Variants in THEMIS observed in about 807,000 individuals in gnomAD.
THEMIS encodes protein THEMIS.
A neutral mutation model predicts 52.6 loss-of-function variants in THEMIS; 37 were observed. The observed-to-expected ratio is 0.70, with a 90% CI of 0.54 to 0.93. The LOEUF (loss-of-function observed/expected upper bound fraction) is 0.93, where lower values mean the gene tolerates loss of function less well. THEMIS is among the 40% of genes least tolerant of loss of function. The pLI, the probability that THEMIS is intolerant of heterozygous loss-of-function variation, is 0.00. For missense variants in THEMIS, 808 were observed against 763.1 expected (o/e 1.06, Z -0.69); for synonymous variants, 292 against 272.7 (o/e 1.07, Z -0.70).
chr6:127,703,038 T>TTG, the THEMIS span, among the ~76,000 whole-genome samples: 1 of 80,784 alleles, frequency 1.2e-5, no homozygotes, highest in African/African-American at 5.2e-5. Context: ...AGAATGAGTT[T>TTG]TTTTTTTTTT....
chr6:127,757,407 C>A (rs1775864156), intron 4 of THEMIS, among the ~76,000 whole-genome samples: 1 of 151,728 alleles, frequency 6.6e-6, no homozygotes, highest in Non-Finnish European at 1.5e-5. Context: ...ACATAAATGG[C>A]AGATAGCTAT....
intron 2 of THEMIS, among the ~76,000 whole-genome samples, chr6:127,854,281 C>T (rs1226177069): frequency 2.0e-5 from 3 of 151,754 alleles, no homozygotes; most frequent in Non-Finnish European, 4.4e-5. Context: ...GAGCTGCTTT[C>T]GTGCTACCAC....
At chr6:127,700,903 A>G in the THEMIS span, among the ~76,000 whole-genome samples, 5 of 152,080 alleles carry the variant, frequency 3.3e-5, no homozygotes, top group African/African-American at 1.2e-4. Flanking sequence ...TAACATTGTC[A>G]ATACACTTTA....
intron 4 of THEMIS, among the ~76,000 whole-genome samples, chr6:127,805,076 A>T (rs1777656082): frequency 6.6e-6 from 1 of 152,042 alleles, no homozygotes; most frequent in African/African-American, 2.4e-5. Flanking sequence ...TGTGGCCTTT[A>T]ATGTACAGTT....
At chr6:127,725,472 G>A (rs1389932514) in intron 4 of THEMIS, among the ~76,000 whole-genome samples, 4 of 151,872 alleles carry the variant, frequency 2.6e-5, no homozygotes, top group Non-Finnish European at 5.9e-5. Context: ...GTCTGTGAGT[G>A]TGTTCTCTTC....
At position 127,813,890 on chromosome 6, in the gene THEMIS, C is replaced by G. The variant is rs373934545; in HGVS notation, c.751G>C (p.Glu251Gln). 57 of 1,600,466 alleles carry G rather than the reference C, an allele frequency of 3.6e-5. 1 individual carries two copies. Among genetic ancestry groups the G allele is most frequent in the Non-Finnish European group, 3.6e-5 (42 of 1,175,554 alleles). The change falls in exon 4 of 6, where the codon GAA becomes CAA. Residue 251 changes from glutamate to glutamine, a missense_variant. Glu to Gln is a conservative substitution (Grantham distance 29). Transcript: ENST00000368248. ...TAAGAATCAGTGATGTCTTTGACTT[C>G]GACATCTAGACTGGGGAGGATGCGG... ...IIRILPSLDV[E>Q]VKDITDSYDA... is the part of the protein sequence containing the mutation.
At chr6:127,739,398 A>G (rs13215234) in intron 4 of THEMIS, among the ~76,000 whole-genome samples, 16,515 of 152,278 alleles carry the variant, frequency 0.11, 957 homozygotes, top group Non-Finnish European at 0.14. Flanking sequence ...TTGTAATCCC[A>G]GCACTTTGGG....
intron 5 of THEMIS, among the ~76,000 whole-genome samples, chr6:127,714,689 A>C (rs1378963322): frequency 6.6e-6 from 1 of 151,976 alleles, no homozygotes; most frequent in Non-Finnish European, 1.5e-5. Context: ...ATTAGAGCTT[A>C]GTCTTGGGTC....
In THEMIS at chr6:127,772,688, G is replaced by A. The variant is rs565979412; in HGVS notation, c.1758+40195C>T. ...ACTACACACTCAACCTATTTAGTAGGCATGCTTGCCAACAGATTCTAATTC... is the reference window on the plus strand; with the variant it reads ...ACTACACACTCAACCTATTTAGTAGACATGCTTGCCAACAGATTCTAATTC... On this transcript the variant is annotated intron_variant, in intron 4 of 5. Transcript: ENST00000368248. Among the ~76,000 whole-genome samples the A allele has an allele frequency of 2.6e-5, 4 of 152,100 alleles. No individual in the cohort carries two copies. The South Asian group carries it at 8.3e-4, about 32-fold the overall frequency.
chr6:127,907,341 T>TTTTTTTTTC (rs1781299792), intron 1 of THEMIS, among the ~76,000 whole-genome samples: 1 of 81,276 alleles, frequency 1.2e-5, no homozygotes, highest in African/African-American at 5.7e-5. Context: ...GCTCGGATTT[T>TTTTTTTTTC]TTTTTTTTTT....
At chr6:127,832,039 T>TA (rs1169383344) in intron 2 of THEMIS, among the ~76,000 whole-genome samples, 1 of 152,184 alleles carries the variant, frequency 6.6e-6, no homozygotes, top group Non-Finnish European at 1.5e-5. Context: ...AATAAGTTTT[T>TA]AAAAAATGCG....
intron 4 of THEMIS, among the ~76,000 whole-genome samples, chr6:127,752,420 A>G (rs1188189449): frequency 6.6e-6 from 1 of 151,172 alleles, no homozygotes; most frequent in Non-Finnish European, 1.5e-5. Context: ...GTAACTAAGA[A>G]AAAAGAAGAC....
exon 1 of THEMIS, chr6:127,918,476 C>T (rs1198661662): frequency 6.6e-6 from 1 of 152,330 alleles, no homozygotes; most frequent in East Asian, 1.9e-4. Context: ...CGTAAGAGCA[C>T]TGGAGCATCC....
intron 1 of THEMIS, among the ~76,000 whole-genome samples, chr6:127,860,766 G>A (rs1287586470): frequency 1.3e-5 from 2 of 152,160 alleles, no homozygotes; most frequent in African/African-American, 2.4e-5. Flanking sequence ...TGAGTGATGT[G>A]TAAGAAATTC....
chr6:127,885,421 C>A (rs1780614326), intron 1 of THEMIS, among the ~76,000 whole-genome samples: 1 of 152,036 alleles, frequency 6.6e-6, no homozygotes, highest in Non-Finnish European at 1.5e-5. Context: ...CCAGTGTTCT[C>A]AAACAGTTTA....
At chr6:127,762,390 A>G (rs1412803699) in intron 4 of THEMIS, among the ~76,000 whole-genome samples, 2 of 152,084 alleles carry the variant, frequency 1.3e-5, no homozygotes, top group African/African-American at 4.8e-5. Context: ...GATAGATCTC[A>G]TGTCTTCTTA....
intron 5 of THEMIS, among the ~76,000 whole-genome samples, chr6:127,714,800 G>T (rs768813291): frequency 1.3e-5 from 2 of 151,856 alleles, no homozygotes; most frequent in Non-Finnish European, 2.9e-5. Flanking sequence ...GGAGCAGAGA[G>T]CAGAGTAAAA....
intron 1 of THEMIS, among the ~76,000 whole-genome samples, chr6:127,866,786 C>A (rs933386345): frequency 6.6e-6 from 1 of 151,604 alleles, no homozygotes. Flanking sequence ...AAAGAAATAA[C>A]CAATAAAAGC....
intron 1 of THEMIS, among the ~76,000 whole-genome samples, chr6:127,888,881 C>T (rs1040249032): frequency 1.3e-5 from 2 of 152,004 alleles, no homozygotes; most frequent in Non-Finnish European, 2.9e-5. Context: ...ACTTCCCTGA[C>T]ATTATATGAC....
Sources: allele counts gnomAD v4.1 joint callset (sites outside exome capture counted in the v4.1 genomes callset), GRCh38; gene constraint gnomAD v4.1.1; transcripts MANE v1.5; gene names NCBI Gene and HGNC (gene_info 2026-07-23, HGNC 2026-07-21).